The following KIAA1328 variants were observed in gnomAD, a reference collection of about 807,000 sequenced individuals.
The protein encoded by KIAA1328 is protein hinderin.
A neutral mutation model predicts 68.1 loss-of-function variants in KIAA1328; 52 were observed. The observed-to-expected ratio is 0.76, with a 90% CI of 0.61 to 0.96. The LOEUF (loss-of-function observed/expected upper bound fraction) is 0.96. Among genes scored for constraint, KIAA1328 ranks in the 40% least tolerant of loss-of-function variants. The probability of loss-of-function intolerance (pLI) is 0.00; values close to 1 mark genes in which losing one functional copy is unlikely to be tolerated. For missense variants in KIAA1328, 641 were observed against 677.6 expected, an observed-to-expected ratio of 0.95 and a Z score of 0.60; for synonymous variants, 232 against 239.4, an observed-to-expected ratio of 0.97 and a Z score of 0.28.
rs757696470 is a variant in KIAA1328 at position 37,067,328 on chromosome 18, C to A, written c.1015C>A (p.Arg339=). 6.2e-7 allele frequency: 1 copy of A among 1,613,966 alleles called. No individual in the cohort carries two copies. The highest frequency in any genetic ancestry group is 8.5e-7 in the Non-Finnish European group (1 of 1,179,872). ...ACATCCAGAATCATGCAGTTATTGT[C>A]GGCTTTCTTGGGCATCTCTGGTGCA... ...KTHPESCSYC[R]LSWASLVHGG... Residue 339 remains arginine (R), a synonymous_variant, in exon 7 of 10, where the codon CGG becomes AGG. Transcript: ENST00000280020.
intron 6 of KIAA1328, chr18:37,063,481 G>A (rs755139883): frequency 4.9e-6 from 1 of 205,446 alleles, no homozygotes; most frequent in African/African-American, 2.4e-5. Context: ...GCCATAAAAT[G>A]TAATATAATC....
intron 4 of KIAA1328, among the ~76,000 whole-genome samples, chr18:36,877,296 T>G (rs76390933): frequency 6.6e-5 from 10 of 152,244 alleles, no homozygotes; most frequent in African/African-American, 2.2e-4. Context: ...ATTATTATTG[T>G]GTGGGAGTCT....
chr18:37,226,748 T>C (rs2060641497), downstream of KIAA1328, among the ~76,000 whole-genome samples: 1 of 145,144 alleles, frequency 6.9e-6, no homozygotes, highest in South Asian at 2.2e-4. Flanking sequence ...TTATGAAGAA[T>C]GCTGCCATGA....
intron 5 of KIAA1328, among the ~76,000 whole-genome samples, chr18:36,915,326 A>C (rs1265280430): frequency 1.3e-5 from 2 of 152,226 alleles, no homozygotes; most frequent in African/African-American, 4.8e-5. Flanking sequence ...ACATAAAAGA[A>C]AAAACATGAT....
intron 4 of KIAA1328, among the ~76,000 whole-genome samples, chr18:36,856,442 C>T (rs768922695): frequency 3.3e-5 from 5 of 152,130 alleles, no homozygotes; most frequent in Admixed American, 6.6e-5. Flanking sequence ...TGCCTTCTCA[C>T]ATCTGCTGCT....
At chr18:37,061,077 T>A (rs1021507367) in intron 6 of KIAA1328, among the ~76,000 whole-genome samples, 4 of 152,048 alleles carry the variant, frequency 2.6e-5, no homozygotes, top group African/African-American at 9.7e-5. Context: ...ATCGTGCCAC[T>A]GCACTCCAGC....
chr18:37,089,605 C>T (rs747494710), intron 7 of KIAA1328, among the ~76,000 whole-genome samples: 3 of 152,090 alleles, frequency 2.0e-5, no homozygotes, highest in African/African-American at 7.2e-5. Flanking sequence ...GAACTCCTGA[C>T]CTCAGGTGAT....
chr18:36,963,221 C>T (rs1382481268), intron 6 of KIAA1328, among the ~76,000 whole-genome samples: 1 of 152,134 alleles, frequency 6.6e-6, no homozygotes, highest in Non-Finnish European at 1.5e-5. Flanking sequence ...ACAAGTCAGG[C>T]AGTTTTTAAG....
At chr18:37,043,718 G>A (rs1334725653) in intron 6 of KIAA1328, among the ~76,000 whole-genome samples, 1 of 152,176 alleles carries the variant, frequency 6.6e-6, no homozygotes, top group Non-Finnish European at 1.5e-5. Context: ...AAGATATCAT[G>A]TTCAAACAGA....
intron 6 of KIAA1328, among the ~76,000 whole-genome samples, chr18:37,038,240 G>C (rs945021576): frequency 6.6e-6 from 1 of 152,150 alleles, no homozygotes; most frequent in Non-Finnish European, 1.5e-5. Context: ...CTTGCAGCTT[G>C]ATTTTTCAGG....
At chr18:37,161,710 G>T (rs1283729016) in intron 8 of KIAA1328, among the ~76,000 whole-genome samples, 1 of 152,204 alleles carries the variant, frequency 6.6e-6, no homozygotes, top group East Asian at 1.9e-4. Flanking sequence ...CAACTGGTGT[G>T]GTGGTTACAC....
intron 9 of KIAA1328, among the ~76,000 whole-genome samples, chr18:37,202,916 T>A (rs888158287): frequency 6.6e-6 from 1 of 152,114 alleles, no homozygotes; most frequent in Non-Finnish European, 1.5e-5. Context: ...ATTATTCATT[T>A]AGCCAAAGCA....
intron 6 of KIAA1328, among the ~76,000 whole-genome samples, chr18:37,029,572 C>T (rs549629026): frequency 6.6e-6 from 1 of 152,162 alleles, no homozygotes; most frequent in South Asian, 2.1e-4. Flanking sequence ...CACCGTGTTG[C>T]CAGGTACGTG....
chr18:37,074,007 G>A (rs1254071980), intron 7 of KIAA1328, among the ~76,000 whole-genome samples: 1 of 152,188 alleles, frequency 6.6e-6, no homozygotes, highest in Non-Finnish European at 1.5e-5. Flanking sequence ...CCACCCCAGT[G>A]AAGATTTAAG....
chr18:37,131,233 T>C (rs323306), intron 7 of KIAA1328, among the ~76,000 whole-genome samples: 40,682 of 152,126 alleles, frequency 0.27, 8,589 homozygotes, highest in African/African-American at 0.59. Flanking sequence ...TATTGTAATG[T>C]TTTTGTCATT....
chr18:36,996,910 T>C (rs1047232817), intron 6 of KIAA1328, among the ~76,000 whole-genome samples: 3 of 152,214 alleles, frequency 2.0e-5, no homozygotes, highest in Non-Finnish European at 4.4e-5. Flanking sequence ...CGTTTAGATC[T>C]GTTAGAACAC....
rs76047929 is a variant in KIAA1328 at position 37,195,566 on chromosome 18, A to G, written c.1523+22485A>G. On this transcript the variant is annotated intron_variant, in intron 9 of 9. Transcript: ENST00000280020. ...TTATTAAAGAGACTGTCCTTTCCCC[A>G]GTATGTATTCTTGATGCCCTTGTCT... Among the ~76,000 whole-genome samples, 421 of 152,274 alleles carry G rather than the reference A, an allele frequency of 2.8e-3. 13 individuals carry two copies. In the East Asian group the frequency reaches 0.068, roughly 24 times the overall value.
chr18:36,958,910 C>A (rs1231886588), intron 5 of KIAA1328, among the ~76,000 whole-genome samples: 1 of 151,852 alleles, frequency 6.6e-6, no homozygotes, highest in Non-Finnish European at 1.5e-5. Context: ...TCCAAGGTCA[C>A]AAAGATGTAC....
chr18:36,981,005 A>T (rs1180977620), intron 6 of KIAA1328, among the ~76,000 whole-genome samples: 2 of 152,214 alleles, frequency 1.3e-5, no homozygotes, highest in Non-Finnish European at 2.9e-5. Flanking sequence ...GCATGAAAAC[A>T]GACTAATACA....
Sources: allele counts gnomAD v4.1 joint callset (sites outside exome capture counted in the v4.1 genomes callset), GRCh38; gene constraint gnomAD v4.1.1; transcripts MANE v1.5; gene names NCBI Gene and HGNC (gene_info 2026-07-23, HGNC 2026-07-21).